The following ACTR6 variants were observed in gnomAD, a reference collection of about 807,000 sequenced individuals.
ACTR6 encodes actin related protein 6, also known as actin-related protein 6.
In ACTR6, 50 loss-of-function variants were observed where a neutral mutation model predicts 52.5. The observed-to-expected ratio is 0.95, with a 90% confidence interval of 0.76 to 1.20. The LOEUF (loss-of-function observed/expected upper bound fraction) is 1.20, where lower values mean the gene tolerates loss of function less well. ACTR6 is among the 50% of genes most tolerant of loss of function. The pLI, the probability that ACTR6 is intolerant of heterozygous loss-of-function variation, is 0.00. For synonymous variants in ACTR6, 135 were observed against 147.2 expected (o/e 0.92, Z 0.60); for missense variants, 344 against 472.4 (o/e 0.73, Z 2.52).
At chr12:100,215,363 A>G (rs2096123174) in intron 8 of ACTR6, among the ~76,000 whole-genome samples, 1 of 152,202 alleles carries the variant, frequency 6.6e-6, no homozygotes, top group South Asian at 2.1e-4. Context: ...TCCTTGCCAA[A>G]TCATAAGCCG....
rs544502083 is a variant in ACTR6, at chr12:100,202,770, T to C, written c.68+1851T>C. On this transcript the variant is annotated intron_variant, in intron 1 of 10. Transcript: ENST00000188312. ...TACCTGGGAGGCTGAGGCGGGAGAA[T>C]GGCGTGGGCCTGGGAGGCGGAGCTT... is the stretch of plus-strand genomic sequence containing the variant. Among the ~76,000 whole-genome samples the C allele has an allele frequency of 1.1e-4, 17 of 149,828 alleles. No homozygotes were observed. In the South Asian group the frequency reaches 3.4e-3, roughly 30 times the overall value.
At chr12:100,212,677 A>C in intron 8 of ACTR6, 149 bp downstream of exon 8, 1 of 595,940 alleles carries the variant, frequency 1.7e-6, no homozygotes, top group African/African-American at 1.9e-5. Context: ...AAAATCAGTG[A>C]TATTTCAAGT....
rs563174546 is a variant in ACTR6 at position 100,212,887 on chromosome 12, G to A, written c.750+359G>A. The stretch of plus-strand genomic sequence containing the variant: ...CCAGGTGTGGTGGCAGGTGCCTGTA[G>A]TCCCAGCTACTTGGGAGGCTGAGGC... On this transcript the variant is annotated intron_variant, in intron 8 of 10. Coordinates refer to ENST00000188312, the MANE Select transcript of ACTR6 (RefSeq NM_022496.5). Among the ~76,000 whole-genome samples, 436 of 150,956 alleles carry A rather than the reference G, an allele frequency of 2.9e-3. 3 individuals are homozygous for A. The highest frequency in any genetic ancestry group is 0.01 in the African/African-American group (420 of 41,130).
intron 8 of ACTR6, among the ~76,000 whole-genome samples, chr12:100,215,419 G>A (rs1398757545): frequency 2.6e-5 from 4 of 152,122 alleles, no homozygotes; most frequent in African/African-American, 9.7e-5. Context: ...GTAGAGGTGT[G>A]GTTATTCTCC....
chr12:100,210,262 T>C, intron 5 of ACTR6, 33 bp from the exon 6 acceptor site: 1 of 1,610,480 alleles, frequency 6.2e-7, no homozygotes, highest in Non-Finnish European at 8.5e-7. Flanking sequence ...GAATGATATG[T>C]GCGATAATTA....
intron 8 of ACTR6, among the ~76,000 whole-genome samples, chr12:100,214,233 A>G (rs2096122227): frequency 6.6e-6 from 1 of 152,226 alleles, no homozygotes; most frequent in African/African-American, 2.4e-5. Context: ...GAATGATAAA[A>G]TACCAAATTA....
At chr12:100,209,984 G>A in intron 4 of ACTR6, 89 bp from the exon 5 acceptor site, 1 of 1,150,394 alleles carries the variant, frequency 8.7e-7, no homozygotes, top group Non-Finnish European at 1.2e-6. Flanking sequence ...GAACATTTTT[G>A]TCTTGGTGCT....
Position 100,218,582 on chromosome 12 carries a change from T to C in ACTR6, c.918T>C (p.Pro306=). Residue 306 remains proline, a synonymous_variant, in exon 9 of 11, where the codon CCT becomes CCC. Transcript: ENST00000188312. The surrounding 1 kb of genome is among the most constrained non-coding windows in gnomAD (Gnocchi z 4.2). ...TTGTCTATTCAATTCAAAATCTACC[T>C]GAAGGTACATAAATAGAGTAAAATA... The part of the protein sequence containing the change: ...EAIVYSIQNL[P]EEMQPHFFKN... 6.6e-7 allele frequency: 1 copy of C among 1,515,990 alleles called. No individual in the cohort carries two copies. The highest frequency in any genetic ancestry group is 1.4e-5 in the African/African-American group (1 of 70,954). The allele number at this position is 1,515,990 out of a possible 1,614,324, so 93.9% of individuals were successfully genotyped here.
rs1566294768 is a variant in ACTR6, at chr12:100,212,538, A to T, written c.750+10A>T. The T allele has an allele frequency of 1.2e-6, 2 of 1,602,260 alleles. No individual in the cohort carries two copies. The highest frequency in any genetic ancestry group is 1.7e-6 in the Non-Finnish European group (2 of 1,169,316). ...AAAGGGCTTTTGTAAGGTAATTTTTAAAAACCATCAATGGTTGGTTGCTGC... is the reference window on the plus strand; with the variant it reads ...AAAGGGCTTTTGTAAGGTAATTTTTTAAAACCATCAATGGTTGGTTGCTGC... On this transcript the variant is annotated intron_variant, in intron 8 of 10. Coordinates refer to ENST00000188312, the MANE Select transcript of ACTR6 (RefSeq NM_022496.5).
At chr12:100,203,101 C>T (rs1283190010) in intron 1 of ACTR6, among the ~76,000 whole-genome samples, 1 of 152,144 alleles carries the variant, frequency 6.6e-6, no homozygotes, top group African/African-American at 2.4e-5. Flanking sequence ...GAATCTAATG[C>T]TATGGCTGAT....
At chr12:100,208,832 C>T (rs1407007412) in intron 4 of ACTR6, 1 of 452,930 alleles carries the variant, frequency 2.2e-6, no homozygotes, top group Non-Finnish European at 4.4e-6. Flanking sequence ...CTGTAGCCTC[C>T]ACCTCCTGGG....
intron 4 of ACTR6, among the ~76,000 whole-genome samples, chr12:100,208,110 A>G (rs2096116489): frequency 6.6e-6 from 1 of 152,040 alleles, no homozygotes; most frequent in African/African-American, 2.4e-5. Context: ...GCAGTGAGCT[A>G]TGATCGTGCC....
At chr12:100,204,673 T>A (rs1377843567) in intron 1 of ACTR6, among the ~76,000 whole-genome samples, 1 of 152,204 alleles carries the variant, frequency 6.6e-6, no homozygotes, top group East Asian at 1.9e-4. Flanking sequence ...CCTTATTTTT[T>A]ATTTTTGTAG....
At chr12:100,209,778 A>C (rs1367039529) in intron 4 of ACTR6, among the ~76,000 whole-genome samples, 1 of 152,242 alleles carries the variant, frequency 6.6e-6, no homozygotes, top group Non-Finnish European at 1.5e-5. Flanking sequence ...CTGGCATGTA[A>C]TAAATGATCA....
At chr12:100,201,146 T>C in intron 1 of ACTR6, 2 of 1,205,964 alleles carry the variant, frequency 1.7e-6, no homozygotes, top group Non-Finnish European at 2.2e-6. Context: ...ATATGTTTTA[T>C]TTCGTAACAG....
In ACTR6 at chr12:100,224,424, A is replaced by G. The variant is rs1192951915; in HGVS notation, c.*509A>G. On this transcript the variant is annotated 3_prime_UTR_variant, in exon 11 of 11. Transcript: ENST00000188312. ...AGCTAATAAAGTTTTTTTGGCCACT[A>G]CTGTGTGGGCAGAATATCTTATTTC... is the stretch of plus-strand genomic sequence containing the variant. The G allele has an allele frequency of 1.3e-5, 2 of 152,064 alleles. No individual in the cohort carries two copies. Among genetic ancestry groups the G allele is most frequent in the Non-Finnish European group, 2.9e-5 (2 of 68,092 alleles). The allele number at this position is 152,064 out of a possible 1,614,324, so 9.4% of individuals were successfully genotyped here. A position where few individuals can be genotyped will look rare whatever the true frequency, so the allele number is the denominator to read the frequency against.
At chr12:100,201,931 ATTTT>A (rs572978105) in intron 1 of ACTR6, among the ~76,000 whole-genome samples, 1 of 140,754 alleles carries the variant, frequency 7.1e-6, no homozygotes, top group Non-Finnish European at 1.6e-5. Context: ...TGACAAAGCA[ATTTT>A]TTTTTTTTTT....
Position 100,218,571 on chromosome 12 carries a change from CA to C in ACTR6, c.911del (p.Asn304IlefsTer16). 6.5e-7 allele frequency: 1 copy of C among 1,528,064 alleles called. No homozygotes were observed. The highest frequency in any genetic ancestry group is 2.0e-5 in the Admixed American group (1 of 50,138). 94.7% of individuals were successfully genotyped at this position (1,528,064 alleles called of 1,614,324 possible). On this transcript the variant is annotated frameshift_variant, in exon 9 of 11. Coordinates refer to ENST00000188312, the MANE Select transcript of ACTR6 (RefSeq NM_022496.5). LOFTEE classifies it high-confidence loss of function. This position sits in a 1 kb window ranked among gnomAD's most constrained non-coding sequence, Gnocchi z 4.2. Reference protein sequence around the residue: ...GIPEAIVYSIQNLPEEMQPHF... With the variant: ...GIPEAIVYSIXNLPEEMQPHF... ...TCCAGAAGCTATTGTCTATTCAATT[CA>C]AAATCTACCTGAAGGTACATAAATA...
chr12:100,204,864 C>T, intron 1 of ACTR6, 76 bp from the exon 2 acceptor site: 1 of 895,084 alleles, frequency 1.1e-6, no homozygotes, highest in Non-Finnish European at 1.8e-6. Flanking sequence ...CTTTTGGCAT[C>T]AAGAGTGGTG....
Sources: allele counts gnomAD v4.1 joint callset (sites outside exome capture counted in the v4.1 genomes callset), GRCh38; gene constraint gnomAD v4.1.1; non-coding constraint Gnocchi (gnomAD v3.1); transcripts MANE v1.5; gene names NCBI Gene and HGNC (gene_info 2026-07-23, HGNC 2026-07-21).